Variants in POLQ observed in about 807,000 individuals in gnomAD.
POLQ encodes epididymis secretory sperm binding protein.
POLQ carries 233 observed loss-of-function variants against 259.2 expected under a neutral mutation model. That is an observed-to-expected ratio of 0.90 (90% confidence interval 0.81 to 1.00). The LOEUF (loss-of-function observed/expected upper bound fraction) is 1.00. Among genes scored for constraint, POLQ ranks in the 50% least tolerant of loss-of-function variants. POLQ has a pLI of 0.00. For synonymous variants in POLQ, 1,025 were observed against 1,048.8 expected (o/e 0.98, Z 0.44); for missense variants, 2,871 against 3,051.6 (o/e 0.94, Z 1.39).
At position 121,472,009 on chromosome 3, in the gene POLQ, T is replaced by C; in HGVS notation, c.6699A>G (p.Ser2233=). The change falls in exon 22 of 30, where the codon TCA becomes TCG. Residue 2233 remains serine, a synonymous_variant. Transcript: ENST00000264233. ...CATCACCTGTAGCAGTGTGCGACTG[T>C]GATACAGGATAGATTCTTTCCATTC... ...FLGMERIYPV[S]QSHTATGRIT... The C allele has an allele frequency of 6.5e-7, 1 of 1,533,812 alleles. No individual in the cohort carries two copies. Among genetic ancestry groups the C allele is most frequent in the Non-Finnish European group, 8.9e-7 (1 of 1,127,030 alleles).
At chr3:121,516,890 C>T (rs1249718261) in intron 9 of POLQ, among the ~76,000 whole-genome samples, 1 of 152,138 alleles carries the variant, frequency 6.6e-6, no homozygotes, top group Non-Finnish European at 1.5e-5. Context: ...CAATGATATG[C>T]AAGATCAAAA....
intron 8 of POLQ, among the ~76,000 whole-genome samples, chr3:121,521,395 T>C (rs573905028): frequency 6.6e-6 from 1 of 152,128 alleles, no homozygotes; most frequent in African/African-American, 2.4e-5. Context: ...ATATACCCCC[T>C]CACACACACA....
chr3:121,439,083 A>T (rs1419503758), intron 27 of POLQ, among the ~76,000 whole-genome samples: 1 of 152,264 alleles, frequency 6.6e-6, no homozygotes, highest in Non-Finnish European at 1.5e-5. Context: ...ATACTTAGGT[A>T]CACAGAATAC....
At chr3:121,523,853 A>C (rs2048354869) in intron 7 of POLQ, among the ~76,000 whole-genome samples, 1 of 152,212 alleles carries the variant, frequency 6.6e-6, no homozygotes, top group African/African-American at 2.4e-5. Flanking sequence ...ATTTTTAGGT[A>C]AACTTTTTAA....
Position 121,545,908 on chromosome 3 carries a change from C to T in POLQ, c.-31G>A, listed in dbSNP as rs760861837. 4 of 1,612,526 alleles carry T rather than the reference C, an allele frequency of 2.5e-6. No individual in the cohort carries two copies. The Middle Eastern group carries it at 4.9e-4, about 199-fold the overall frequency. On this transcript the variant is annotated 5_prime_UTR_variant, in exon 1 of 30. Coordinates refer to ENST00000264233, the MANE Select transcript of POLQ (RefSeq NM_199420.4). ...ACTCTTCTCGGCCGATCAGGGCAAG[C>T]CACAGTCCCAGCGTCCTCCCTCTCG... is the stretch of plus-strand genomic sequence containing the variant.
chr3:121,500,569 C>A (rs891515511), intron 12 of POLQ, among the ~76,000 whole-genome samples: 3 of 152,048 alleles, frequency 2.0e-5, no homozygotes, highest in African/African-American at 7.2e-5. Context: ...TGAACAGAGT[C>A]TTAAAGGAAT....
chr3:121,453,574 T>G (rs964722300), intron 25 of POLQ, among the ~76,000 whole-genome samples: 2 of 152,046 alleles, frequency 1.3e-5, no homozygotes, highest in Non-Finnish European at 2.9e-5. Flanking sequence ...AGCCAAGGCT[T>G]GAGAACTACG....
chr3:121,449,412 GATCCCATAGCAA>G lies in POLQ; in HGVS notation c.7155_7166del (p.Cys2386_Ile2389del). The G allele has an allele frequency of 6.3e-7, 1 of 1,577,500 alleles. No homozygotes were observed. Among genetic ancestry groups the G allele is most frequent in the East Asian group, 2.2e-5 (1 of 44,656 alleles). Reference sequence around the variant, plus strand: ...AAGATTTAGCTCCCATTCCATAAATGATCCCATAGCAAATCTGAAAGGGAGTCATCCAACAAA... The same window carrying G: ...AAGATTTAGCTCCCATTCCATAAATGATCTGAAAGGGAGTCATCCAACAAA... On this transcript the variant is annotated inframe_deletion and splice_region_variant, in exon 26 of 30. Transcript: ENST00000264233.
At position 121,489,933 on chromosome 3, in the gene POLQ, T is replaced by C; in HGVS notation, c.2998A>G (p.Lys1000Glu). The change falls in exon 16 of 30, where the codon AAG (lysine) becomes GAG (glutamate). Residue 1000 changes from lysine (K) to glutamate (E), a missense_variant. By Grantham distance (56) the Lys-to-Glu change is moderately conservative. This residue lies in a region of POLQ where 2,080 missense variants were observed against 2,126.0 expected (regional missense o/e 0.98). Coordinates refer to ENST00000264233, the MANE Select transcript of POLQ (RefSeq NM_199420.4). ...CCCTCATTCTGAGAGGCTCCTGGCTTCTCTTTATTTATATCTAAAGAGGCC... is the reference window on the plus strand; with the variant it reads ...CCCTCATTCTGAGAGGCTCCTGGCTCCTCTTTATTTATATCTAAAGAGGCC... ...KRASLDINKEKPGASQNEGKT... is the reference protein window; with the variant it reads ...KRASLDINKEEPGASQNEGKT... The C allele has an allele frequency of 6.3e-7, 1 of 1,580,546 alleles. No homozygotes were observed. Among genetic ancestry groups the C allele is most frequent in the Non-Finnish European group, 8.5e-7 (1 of 1,170,878 alleles).
chr3:121,494,787 A>G (rs985836588), intron 14 of POLQ: 1 of 1,491,660 alleles, frequency 6.7e-7, no homozygotes, highest in Admixed American at 1.7e-5. Context: ...ACCAATTACA[A>G]CGACAGATAG....
intron 14 of POLQ, chr3:121,494,124 G>A (rs980955723): frequency 2.7e-6 from 2 of 751,456 alleles, no homozygotes; most frequent in African/African-American, 1.7e-5. Flanking sequence ...CGAAAGGAAA[G>A]AAGGCCAAGG....
intron 25 of POLQ, among the ~76,000 whole-genome samples, chr3:121,456,932 C>T (rs2047743924): frequency 6.6e-6 from 1 of 152,034 alleles, no homozygotes; most frequent in African/African-American, 2.4e-5. Context: ...CCAAGTCAAT[C>T]CTAAGCAAAA....
intron 12 of POLQ, 89 bp downstream of exon 12, chr3:121,509,472 G>A: frequency 9.0e-7 from 1 of 1,108,274 alleles, no homozygotes; most frequent in Non-Finnish European, 1.3e-6. Context: ...CAGACGAGAT[G>A]TTCTGTTAGG....
chr3:121,472,507 A>G (rs1319242693), intron 21 of POLQ, among the ~76,000 whole-genome samples: 4 of 152,168 alleles, frequency 2.6e-5, no homozygotes, highest in African/African-American at 9.7e-5. Context: ...CGCTCCTCAC[A>G]TGACTGGAAG....
intron 16 of POLQ, among the ~76,000 whole-genome samples, chr3:121,486,593 G>A (rs2048013707): frequency 6.6e-6 from 1 of 152,086 alleles, no homozygotes; most frequent in South Asian, 2.1e-4. Flanking sequence ...GCTGGGCGCA[G>A]TGGCTCATGC....
intron 10 of POLQ, 124 bp from the exon 11 acceptor site, chr3:121,510,367 G>A: frequency 1.6e-6 from 1 of 644,490 alleles, no homozygotes; most frequent in Non-Finnish European, 2.7e-6. Flanking sequence ...CACGAGGTCT[G>A]GAGATGGAGA....
intron 9 of POLQ, among the ~76,000 whole-genome samples, chr3:121,519,124 AGT>A (rs1336524396): frequency 6.6e-6 from 1 of 152,044 alleles, no homozygotes; most frequent in Non-Finnish European, 1.5e-5. Flanking sequence ...CTATTCCCAA[AGT>A]GTGAGGGTGC....
chr3:121,461,176 C>A (rs1009853219), intron 24 of POLQ, among the ~76,000 whole-genome samples: 8 of 152,162 alleles, frequency 5.3e-5, no homozygotes, highest in Non-Finnish European at 1.0e-4. Context: ...TACATTGTTA[C>A]TGAGAAGTAA....
intron 2 of POLQ, among the ~76,000 whole-genome samples, chr3:121,544,115 G>A (rs781390840): frequency 6.6e-6 from 1 of 152,182 alleles, no homozygotes; most frequent in South Asian, 2.1e-4. Flanking sequence ...AGCACTTTGG[G>A]AGGCTAAGGT....
Sources: gnomAD v4.1 joint callset for allele counts (sites outside exome capture counted in the v4.1 genomes callset) on GRCh38, gnomAD v4.1.1 for gene constraint, gnomAD v4.1.1 regional missense constraint, MANE v1.5 for transcripts, NCBI Gene and HGNC (gene_info 2026-07-23, HGNC 2026-07-21) for gene names.